Variants in PCDH15 observed in about 807,000 individuals in gnomAD.
PCDH15 encodes protocadherin-15.
Under a neutral mutation model 178.5 loss-of-function variants are expected in PCDH15, and 129 were observed. That is an observed-to-expected ratio of 0.72 (90% CI 0.63 to 0.84). The LOEUF (loss-of-function observed/expected upper bound fraction) is 0.84. Among genes scored for constraint, PCDH15 ranks in the 40% least tolerant of loss-of-function variants. The pLI, the probability that PCDH15 is intolerant of heterozygous loss-of-function variation, is 0.00. For synonymous variants in PCDH15, 800 were observed against 732.0 expected (o/e 1.09, Z -1.50); for missense variants, 2,230 against 2,099.9 (o/e 1.06, Z -1.21).
intron 2 of PCDH15, among the ~76,000 whole-genome samples, chr10:55,618,147 T>A (rs1250247234): frequency 6.6e-6 from 1 of 152,072 alleles, no homozygotes; most frequent in Non-Finnish European, 1.5e-5. Flanking sequence ...TTGCTGTTTA[T>A]TAAATTATAG....
At chr10:54,696,823 T>A (rs2095233900) in intron 1 of PCDH15, among the ~76,000 whole-genome samples, 1 of 152,182 alleles carries the variant, frequency 6.6e-6, no homozygotes, top group Non-Finnish European at 1.5e-5. Flanking sequence ...TTTTAACAAG[T>A]TAAAGTAAAA....
intron 2 of PCDH15, among the ~76,000 whole-genome samples, chr10:55,482,015 G>C (rs1840191904): frequency 1.3e-5 from 2 of 151,822 alleles, no homozygotes; most frequent in African/African-American, 4.8e-5. Context: ...GGGTGCTCTT[G>C]TATTAGGTGC....
chr10:54,996,881 T>C (rs7917275), intron 2 of PCDH15, among the ~76,000 whole-genome samples: 108,769 of 151,836 alleles, frequency 0.72, 39,165 homozygotes, highest in East Asian at 0.87. Context: ...GAGCCCAAGG[T>C]AGGTGGATCA....
At chr10:54,290,321 A>T (rs1044121929) in intron 8 of PCDH15, among the ~76,000 whole-genome samples, 1 of 152,170 alleles carries the variant, frequency 6.6e-6, no homozygotes, top group African/African-American at 2.4e-5. Flanking sequence ...GGGGAAATAA[A>T]ATCCTTTATG....
At chr10:53,935,548 TAA>T (rs2085496405) in intron 25 of PCDH15, among the ~76,000 whole-genome samples, 1 of 152,198 alleles carries the variant, frequency 6.6e-6, no homozygotes, top group Non-Finnish European at 1.5e-5. Flanking sequence ...CCTGTTTTAG[TAA>T]AATGAATTTT....
At chr10:54,461,235 G>A (rs1278245502) in intron 3 of PCDH15, among the ~76,000 whole-genome samples, 3 of 152,050 alleles carry the variant, frequency 2.0e-5, no homozygotes, top group African/African-American at 4.8e-5. Flanking sequence ...TGCAATGCAT[G>A]AATACATATT....
In PCDH15 at chr10:54,436,046, GAGAGA is replaced by G. The variant is rs1425169629; in HGVS notation, c.158-57109_158-57105del. Among the ~76,000 whole-genome samples the G allele has an allele frequency of 1.2e-3, 161 of 131,444 alleles. 1 individual carries two copies. Among genetic ancestry groups the G allele is most frequent in the African/African-American group, 4.7e-3 (141 of 30,176 alleles). 86.2% of individuals were successfully genotyped at this position (131,444 alleles called of 152,430 possible). A position where few individuals can be genotyped will look rare whatever the true frequency, so the allele number is the denominator to read the frequency against. Reference sequence around the variant, plus strand: ...GGAGAGGAGAGGAGAGAGAGAGAGAGAGAGAAAAGAAAGAAAGAAAGAAAGAAGGA... The same window carrying G: ...GGAGAGGAGAGGAGAGAGAGAGAGAGAAAGAAAGAAAGAAAGAAAGAAGGA... On this transcript the variant is annotated intron_variant, in intron 3 of 37. Transcript: ENST00000644397.
At chr10:54,506,701 A>C (rs1019242665) in intron 3 of PCDH15, among the ~76,000 whole-genome samples, 1 of 152,056 alleles carries the variant, frequency 6.6e-6, no homozygotes, top group Non-Finnish European at 1.5e-5. Context: ...GGACTGAAAA[A>C]ACAGTGTTTG....
intron 21 of PCDH15, 90 bp downstream of exon 21, chr10:53,995,559 T>C (rs1200405060): frequency 1.9e-6 from 3 of 1,610,110 alleles, no homozygotes; most frequent in African/African-American, 2.7e-5. Context: ...TTACAGAGAC[T>C]ACTTTTGCTG....
chr10:55,451,013 A>T (rs1264659775), intron 2 of PCDH15, among the ~76,000 whole-genome samples: 1 of 145,922 alleles, frequency 6.9e-6, no homozygotes, highest in Non-Finnish European at 1.5e-5. Flanking sequence ...CATATAAGCT[A>T]ACTCTAACAT....
chr10:54,879,583 G>A (rs1458725515), intron 3 of PCDH15, among the ~76,000 whole-genome samples: 1 of 151,622 alleles, frequency 6.6e-6, no homozygotes, highest in Non-Finnish European at 1.5e-5. Flanking sequence ...GAGTAGAGAA[G>A]CAGGCATTCT....
chr10:54,788,714 TG>T (rs561434002), intron 1 of PCDH15, among the ~76,000 whole-genome samples: 28 of 151,720 alleles, frequency 1.8e-4, no homozygotes, highest in Non-Finnish European at 2.5e-4. Flanking sequence ...GATTCTAAGA[TG>T]GGGGAAAAGT....
intron 2 of PCDH15, among the ~76,000 whole-genome samples, chr10:54,903,543 T>C (rs1051947273): frequency 2.6e-5 from 4 of 151,092 alleles, no homozygotes; most frequent in South Asian, 4.2e-4. Flanking sequence ...AAAATAGAAA[T>C]AAGAAACTAA....
intron 8 of PCDH15, among the ~76,000 whole-genome samples, chr10:54,307,160 C>G: frequency 9.0e-6 from 1 of 110,934 alleles, no homozygotes; most frequent in Non-Finnish European, 1.8e-5. Flanking sequence ...AAAATTGCTT[C>G]AGTCAGGCTC....
intron 2 of PCDH15, among the ~76,000 whole-genome samples, chr10:55,064,218 A>T (rs1022890174): frequency 1.6e-4 from 25 of 152,128 alleles, no homozygotes; most frequent in African/African-American, 5.8e-4. Context: ...CATACAAGTA[A>T]TTATCTAGGA....
intron 8 of PCDH15, among the ~76,000 whole-genome samples, chr10:54,274,098 A>G (rs10763096): frequency 0.48 from 72,781 of 151,798 alleles, 17,808 homozygotes; most frequent in Middle Eastern, 0.55. Context: ...GAACACATGG[A>G]CACATAGAGT....
intron 13 of PCDH15, among the ~76,000 whole-genome samples, chr10:54,168,514 C>A (rs1433942569): frequency 6.6e-6 from 1 of 152,208 alleles, no homozygotes; most frequent in Non-Finnish European, 1.5e-5. Context: ...ATCGCCTCCC[C>A]TCCTCACACC....
chr10:55,455,078 G>A (rs1008078103), intron 2 of PCDH15, among the ~76,000 whole-genome samples: 10 of 152,044 alleles, frequency 6.6e-5, no homozygotes, highest in African/African-American at 1.4e-4. Flanking sequence ...TGTGTGTTGC[G>A]TGGTATATTA....
intron 8 of PCDH15, among the ~76,000 whole-genome samples, chr10:54,287,195 G>A (rs889634186): frequency 1.3e-5 from 2 of 152,040 alleles, no homozygotes; most frequent in Non-Finnish European, 2.9e-5. Context: ...AAAGTTTAAT[G>A]AACTATATAC....
Sources: gnomAD v4.1 joint callset for allele counts (sites outside exome capture counted in the v4.1 genomes callset) on GRCh38, gnomAD v4.1.1 for gene constraint, MANE v1.5 for transcripts, NCBI Gene and HGNC (gene_info 2026-07-23, HGNC 2026-07-21) for gene names.